Variants in TMEM117 observed in about 807,000 individuals in gnomAD.
TMEM117 encodes transmembrane protein 117.
Under a neutral mutation model 52.4 loss-of-function variants are expected in TMEM117, and 27 were observed. That is an observed-to-expected ratio of 0.51 (90% CI 0.38 to 0.71). TMEM117 has a LOEUF of 0.71. Among genes scored for constraint, TMEM117 ranks in the 30% least tolerant of loss-of-function variants. The probability of loss-of-function intolerance (pLI) is 0.00; values close to 1 mark genes in which losing one functional copy is unlikely to be tolerated. For synonymous variants in TMEM117, 215 were observed against 206.3 expected (o/e 1.04, Z -0.36); for missense variants, 556 against 630.5 (o/e 0.88, Z 1.26).
intron 4 of TMEM117, among the ~76,000 whole-genome samples, chr12:44,168,750 G>T (rs1244783375): frequency 6.6e-6 from 1 of 152,046 alleles, no homozygotes; most frequent in East Asian, 1.9e-4. Flanking sequence ...TTTAAGTGTA[G>T]AGTCTGGTGA....
At chr12:43,821,079 A>G in the TMEM117 span, among the ~76,000 whole-genome samples, 1 of 151,472 alleles carries the variant, frequency 6.6e-6, no homozygotes, top group East Asian at 1.9e-4. Context: ...TGGGCAACAA[A>G]GCAAGACTCC....
intron 6 of TMEM117, among the ~76,000 whole-genome samples, chr12:44,343,625 T>C (rs1477533739): frequency 1.3e-5 from 2 of 151,946 alleles, no homozygotes; most frequent in Non-Finnish European, 2.9e-5. Flanking sequence ...ATTAAAAAGG[T>C]TGTAGAGATA....
At chr12:44,338,779 TG>T (rs769520753) in intron 6 of TMEM117, among the ~76,000 whole-genome samples, 33 of 152,198 alleles carry the variant, frequency 2.2e-4, no homozygotes, top group Non-Finnish European at 3.7e-4. Flanking sequence ...TCTTTAAAGT[TG>T]GGAGCAAGAT....
intron 4 of TMEM117, among the ~76,000 whole-genome samples, chr12:44,165,885 T>G (rs1485272145): frequency 6.6e-6 from 1 of 152,192 alleles, no homozygotes; most frequent in Non-Finnish European, 1.5e-5. Flanking sequence ...CCTAACAGAC[T>G]TTTATGGAAC....
At chr12:43,814,731 T>G in the TMEM117 span, among the ~76,000 whole-genome samples, 1 of 150,372 alleles carries the variant, frequency 6.7e-6, no homozygotes, top group African/African-American at 2.4e-5. Context: ...CAGTCCTGGG[T>G]TTGAATCTTT....
intron 6 of TMEM117, among the ~76,000 whole-genome samples, chr12:44,373,302 A>C (rs1951889851): frequency 6.6e-6 from 1 of 152,224 alleles, no homozygotes. Context: ...TCTCTGAGGG[A>C]GGTGCCCTTC....
intron 3 of TMEM117, among the ~76,000 whole-genome samples, chr12:44,021,863 C>T (rs757741039): frequency 6.6e-5 from 10 of 152,178 alleles, no homozygotes; most frequent in Non-Finnish European, 1.5e-4. Flanking sequence ...GGAGGAACTT[C>T]CTCTCTCATG....
intron 3 of TMEM117, among the ~76,000 whole-genome samples, chr12:44,087,884 TA>T (rs1947599068): frequency 1.3e-5 from 2 of 152,224 alleles, no homozygotes; most frequent in African/African-American, 2.4e-5. Flanking sequence ...TATTTGTTTA[TA>T]AAGTACAAAA....
At chr12:43,979,985 A>T (rs1302080158) in intron 3 of TMEM117, among the ~76,000 whole-genome samples, 1 of 152,156 alleles carries the variant, frequency 6.6e-6, no homozygotes, top group African/African-American at 2.4e-5. Context: ...TTATCTCTTG[A>T]TAAGCGTCAA....
chr12:44,089,676 TG>T (rs1175002204), intron 3 of TMEM117, among the ~76,000 whole-genome samples: 3 of 152,292 alleles, frequency 2.0e-5, no homozygotes, highest in Non-Finnish European at 4.4e-5. Flanking sequence ...CTTTCCTCAC[TG>T]ATTTCTACCC....
intron 6 of TMEM117, among the ~76,000 whole-genome samples, chr12:44,303,516 T>C (rs1027926928): frequency 6.6e-5 from 10 of 152,234 alleles, no homozygotes; most frequent in African/African-American, 2.2e-4. Context: ...CTACCTTTAT[T>C]GTTGTATCAC....
intron 6 of TMEM117, among the ~76,000 whole-genome samples, chr12:44,333,684 A>G (rs1044430079): frequency 6.6e-6 from 1 of 152,072 alleles, no homozygotes; most frequent in Non-Finnish European, 1.5e-5. Context: ...CTGTGAGTCA[A>G]TTAAACCTGT....
At chr12:44,204,353 T>C (rs967694152) in intron 4 of TMEM117, among the ~76,000 whole-genome samples, 1 of 152,126 alleles carries the variant, frequency 6.6e-6, no homozygotes, top group African/African-American at 2.4e-5. Context: ...GGAATACAGC[T>C]AACCAGGCAG....
the TMEM117 span, among the ~76,000 whole-genome samples, chr12:43,808,549 C>T: frequency 2.0e-5 from 3 of 151,974 alleles, no homozygotes; most frequent in Non-Finnish European, 4.4e-5. Context: ...AGATGGTGGT[C>T]ACAAAACACA....
the TMEM117 span, among the ~76,000 whole-genome samples, chr12:43,829,944 TG>T: frequency 6.6e-6 from 1 of 151,000 alleles, no homozygotes; most frequent in Non-Finnish European, 1.5e-5. Context: ...AAAAATTAGC[TG>T]GGCGTGGTGG....
upstream of TMEM117, among the ~76,000 whole-genome samples, chr12:43,832,844 C>G (rs745447262): frequency 6.6e-6 from 1 of 152,144 alleles, no homozygotes; most frequent in South Asian, 2.1e-4. Flanking sequence ...AGGGATACTC[C>G]GTGTTTAGCA....
chr12:44,247,308 C>A (rs1279438271), intron 5 of TMEM117, among the ~76,000 whole-genome samples: 3 of 152,112 alleles, frequency 2.0e-5, no homozygotes, highest in Non-Finnish European at 4.4e-5. Flanking sequence ...TATAATACCA[C>A]CGATTAAATT....
chr12:43,850,152 G>A (rs998452407), intron 2 of TMEM117, among the ~76,000 whole-genome samples: 3 of 152,034 alleles, frequency 2.0e-5, no homozygotes, highest in African/African-American at 4.8e-5. Context: ...GCCATGTCTC[G>A]GTACCTGTGA....
intron 2 of TMEM117, among the ~76,000 whole-genome samples, chr12:43,910,570 C>T (rs1414168413): frequency 3.3e-5 from 5 of 151,692 alleles, no homozygotes; most frequent in Non-Finnish European, 2.9e-5. Context: ...TGTTTGCAGA[C>T]GACATGATTG....
Sources: gnomAD v4.1 joint callset for allele counts (sites outside exome capture counted in the v4.1 genomes callset) on GRCh38, gnomAD v4.1.1 for gene constraint, MANE v1.5 for transcripts, NCBI Gene and HGNC (gene_info 2026-07-23, HGNC 2026-07-21) for gene names.